The following LIN28B variants were observed in gnomAD, a reference collection of about 807,000 sequenced individuals.
The protein encoded by LIN28B is lin-28 RNA binding posttranscriptional regulator B, also known as protein lin-28 homolog B.
A neutral mutation model predicts 21.9 loss-of-function variants in LIN28B; 5 were observed. The ratio of observed to expected loss-of-function variants is 0.23; its 90% CI spans 0.12 to 0.48. The LOEUF (loss-of-function observed/expected upper bound fraction) is 0.48. Among genes scored for constraint, LIN28B ranks in the 20% least tolerant of loss-of-function variants. The pLI, the probability that LIN28B is intolerant of heterozygous loss-of-function variation, is 0.98. For synonymous variants in LIN28B, 109 were observed against 111.3 expected (o/e 0.98, Z 0.13); for missense variants, 245 against 310.5 (o/e 0.79, Z 1.58).
rs546796650 is a variant in LIN28B at position 105,004,007 on chromosome 6, G to A, written c.199-22291G>A. 2.0e-5 allele frequency among the ~76,000 whole-genome samples: 3 copies of A among 152,286 alleles called. No individual in the cohort carries two copies. In the East Asian group the frequency reaches 5.8e-4, roughly 29 times the overall value. ...AGGTCCCACAATAGGCTGTCTGCATGCTGAGGAGCAAGGAAAGCCAGTCTG... is the reference window on the plus strand; with the variant it reads ...AGGTCCCACAATAGGCTGTCTGCATACTGAGGAGCAAGGAAAGCCAGTCTG... On this transcript the variant is annotated intron_variant, in intron 2 of 3. Coordinates refer to ENST00000345080, the MANE Select transcript of LIN28B (RefSeq NM_001004317.4).
chr6:104,971,590 TGA>T (rs1769985774), intron 2 of LIN28B, among the ~76,000 whole-genome samples: 1 of 152,180 alleles, frequency 6.6e-6, no homozygotes, highest in Non-Finnish European at 1.5e-5. Flanking sequence ...AAGTTTCTGT[TGA>T]TAACAGTGGG....
intron 2 of LIN28B, among the ~76,000 whole-genome samples, chr6:104,968,591 C>T (rs1285973631): frequency 2.6e-5 from 4 of 152,064 alleles, no homozygotes; most frequent in South Asian, 2.1e-4. Flanking sequence ...TTGGTAATAA[C>T]TCTTAAGATT....
chr6:105,002,694 A>G (rs1562088681), intron 2 of LIN28B, among the ~76,000 whole-genome samples: 1 of 152,206 alleles, frequency 6.6e-6, no homozygotes, highest in Non-Finnish European at 1.5e-5. Flanking sequence ...GAGGTCGTCA[A>G]TATTGCTTCA....
At chr6:104,981,380 A>T (rs992553126) in intron 2 of LIN28B, among the ~76,000 whole-genome samples, 1 of 152,218 alleles carries the variant, frequency 6.6e-6, no homozygotes, top group Non-Finnish European at 1.5e-5. Flanking sequence ...CAGTTCTCTG[A>T]TTAATCAGTT....
At chr6:104,991,253 G>T (rs954076106) in intron 2 of LIN28B, among the ~76,000 whole-genome samples, 1 of 151,410 alleles carries the variant, frequency 6.6e-6, no homozygotes, top group Non-Finnish European at 1.5e-5. Flanking sequence ...CCTCCCTCCC[G>T]GACGGGGTGG....
chr6:104,974,809 A>AATTATT (rs201450160), intron 2 of LIN28B, among the ~76,000 whole-genome samples: 4 of 151,158 alleles, frequency 2.6e-5, no homozygotes, highest in African/African-American at 7.3e-5. Context: ...GGATATTTTG[A>AATTATT]ATTATTATTA....
At chr6:105,033,082 C>T (rs1250890425) in intron 3 of LIN28B, among the ~76,000 whole-genome samples, 1 of 152,096 alleles carries the variant, frequency 6.6e-6, no homozygotes. Flanking sequence ...TTTCTGTTTA[C>T]ATCAATGATC....
chr6:105,052,674 A>C (rs1348199911), intron 3 of LIN28B, among the ~76,000 whole-genome samples: 2 of 152,332 alleles, frequency 1.3e-5, no homozygotes, highest in Non-Finnish European at 2.9e-5. Flanking sequence ...ATGCTTTGGC[A>C]TAAAATTGTT....
chr6:104,954,903 T>C (rs1370845114), upstream of LIN28B, among the ~76,000 whole-genome samples: 1 of 152,196 alleles, frequency 6.6e-6, no homozygotes, highest in East Asian at 1.9e-4. Flanking sequence ...TGCTTCTGGT[T>C]TTATAATGAT....
At chr6:104,971,835 T>C (rs570100962) in intron 2 of LIN28B, among the ~76,000 whole-genome samples, 116 of 152,290 alleles carry the variant, frequency 7.6e-4, no homozygotes, top group Non-Finnish European at 9.9e-4. Flanking sequence ...AGTAAATCTT[T>C]CAAATCCATG....
chr6:105,037,991 C>T (rs965698606), intron 3 of LIN28B, among the ~76,000 whole-genome samples: 1 of 151,994 alleles, frequency 6.6e-6, no homozygotes, highest in African/African-American at 2.4e-5. Context: ...TAAGGCAAAG[C>T]TTTACAACAA....
upstream of LIN28B, among the ~76,000 whole-genome samples, chr6:104,953,628 G>A (rs2114557395): frequency 1.3e-5 from 2 of 152,308 alleles, no homozygotes; most frequent in South Asian, 2.1e-4. Context: ...AAAGGGAAAA[G>A]TGACTGAGGA....
At chr6:105,004,790 A>G (rs925011853) in intron 2 of LIN28B, among the ~76,000 whole-genome samples, 11 of 152,204 alleles carry the variant, frequency 7.2e-5, no homozygotes, top group Admixed American at 6.5e-5. Flanking sequence ...AGCTTCAAAC[A>G]TATCAGGTCA....
chr6:104,953,733 G>A (rs1004481838), upstream of LIN28B, among the ~76,000 whole-genome samples: 2 of 152,196 alleles, frequency 1.3e-5, no homozygotes, highest in East Asian at 1.9e-4. Context: ...GGCCGCCTGG[G>A]GAGCGACCTG....
chr6:104,983,399 T>C (rs2114255834), intron 2 of LIN28B, among the ~76,000 whole-genome samples: 1 of 152,340 alleles, frequency 6.6e-6, no homozygotes, highest in East Asian at 1.9e-4. Context: ...GACATTCCTC[T>C]TCTACTAGTA....
At chr6:104,938,771 A>G (rs192378474) in intron 2 of LIN28B, among the ~76,000 whole-genome samples, 19 of 152,272 alleles carry the variant, frequency 1.2e-4, no homozygotes, top group Admixed American at 8.5e-4. Context: ...TAGCCTATCA[A>G]TGTTCATCAT....
chr6:104,954,142 G>A (rs1215174033), upstream of LIN28B, among the ~76,000 whole-genome samples: 10 of 152,134 alleles, frequency 6.6e-5, no homozygotes, highest in Non-Finnish European at 1.3e-4. Context: ...AAGCTATAAA[G>A]TATTTGGCTT....
At chr6:104,997,476 T>C (rs898753330) in intron 2 of LIN28B, among the ~76,000 whole-genome samples, 2 of 151,978 alleles carry the variant, frequency 1.3e-5, no homozygotes, top group Non-Finnish European at 2.9e-5. Flanking sequence ...GAAATTGAAC[T>C]GTATCTATAT....
chr6:105,018,044 A>G (rs2114321603), intron 2 of LIN28B, among the ~76,000 whole-genome samples: 1 of 152,334 alleles, frequency 6.6e-6, no homozygotes. Context: ...AGGCTGAGGC[A>G]GGAGGATTGC....
Sources: gnomAD v4.1 joint callset for allele counts (sites outside exome capture counted in the v4.1 genomes callset) on GRCh38, gnomAD v4.1.1 for gene constraint, MANE v1.5 for transcripts, NCBI Gene and HGNC (gene_info 2026-07-23, HGNC 2026-07-21) for gene names.